The following STRADB variants were observed in gnomAD, a reference collection of about 807,000 sequenced individuals.
The protein encoded by STRADB is STE20-related kinase adapter protein beta.
STRADB carries 34 observed loss-of-function variants against 52.1 expected under a neutral mutation model. The ratio of observed to expected loss-of-function variants is 0.65; its 90% CI spans 0.50 to 0.87. The LOEUF (loss-of-function observed/expected upper bound fraction) is 0.87, where lower values mean the gene tolerates loss of function less well. STRADB is among the 40% of genes least tolerant of loss of function. The probability of loss-of-function intolerance (pLI) is 0.00; values close to 1 mark genes in which losing one functional copy is unlikely to be tolerated. For missense variants in STRADB, 340 were observed against 483.9 expected (o/e 0.70, Z 2.79); for synonymous variants, 133 against 174.5 (o/e 0.76, Z 1.87).
intron 2 of STRADB, among the ~76,000 whole-genome samples, chr2:201,455,388 G>A (rs1952112575): frequency 6.6e-6 from 1 of 151,552 alleles, no homozygotes; most frequent in Non-Finnish European, 1.5e-5. Context: ...ATTTGAATAG[G>A]GAATACTTAT....
At chr2:201,467,405 A>G (rs1357452524) in intron 3 of STRADB, among the ~76,000 whole-genome samples, 1 of 152,204 alleles carries the variant, frequency 6.6e-6, no homozygotes, top group East Asian at 1.9e-4. Flanking sequence ...ACTACTGTCA[A>G]TGGTGGTCGT....
chr2:201,456,006 C>T (rs1440390846), intron 2 of STRADB, among the ~76,000 whole-genome samples: 1 of 152,166 alleles, frequency 6.6e-6, no homozygotes, highest in Non-Finnish European at 1.5e-5. Context: ...GAAAGAGAAG[C>T]TTTATATATC....
At chr2:201,457,441 A>G (rs149996480) in intron 2 of STRADB, 9 of 152,312 alleles carry the variant, frequency 5.9e-5, no homozygotes, top group Admixed American at 4.6e-4. Context: ...GTTAGCGTCT[A>G]TTCTTCAGGG....
chr2:201,473,179 A>G (rs1312105499), intron 5 of STRADB, 103 bp downstream of exon 5: 3 of 1,004,886 alleles, frequency 3.0e-6, no homozygotes, highest in Non-Finnish European at 4.0e-6. Context: ...ATTTTAAAAT[A>G]AATAATACAA....
intron 10 of STRADB, 69 bp downstream of exon 10, chr2:201,478,670 T>G: frequency 6.6e-7 from 1 of 1,517,584 alleles, no homozygotes; most frequent in Middle Eastern, 1.8e-4. Context: ...TTTGTAACAT[T>G]GCCCTTCCAG....
Position 201,475,666 on chromosome 2 carries a change from G to A in STRADB, c.472G>A (p.Glu158Lys). ...LRTYFPEGMSETLIRNILFGA... is the reference protein window; with the variant it reads ...LRTYFPEGMSKTLIRNILFGA... ...GACCTATTTTCCTGAAGGAATGAGT[G>A]AAACTTTAATAAGAAACATTCTCTT... The change falls in exon 7 of 12, where the codon GAA becomes AAA. Residue 158 changes from glutamate to lysine, a missense_variant. By Grantham distance (56) the Glu-to-Lys change is moderately conservative. Transcript: ENST00000194530. 2 of 1,612,048 alleles carry A rather than the reference G, an allele frequency of 1.2e-6. No homozygotes were observed. The highest frequency in any genetic ancestry group is 1.7e-6 in the Non-Finnish European group (2 of 1,179,874).
At chr2:201,479,955 T>G in intron 11 of STRADB, 77 bp from the exon 12 acceptor site, 2 of 1,551,746 alleles carry the variant, frequency 1.3e-6, no homozygotes, top group Non-Finnish European at 1.8e-6. Flanking sequence ...ATAAATTCTT[T>G]AAAAGTTATT....
chr2:201,453,276 G>T (rs1227311723), intron 1 of STRADB, among the ~76,000 whole-genome samples: 1 of 152,216 alleles, frequency 6.6e-6, no homozygotes, highest in Non-Finnish European at 1.5e-5. Context: ...GACAAAATCA[G>T]TAACAACTTG....
At chr2:201,458,037 AAG>A (rs1314567726) in intron 2 of STRADB, among the ~76,000 whole-genome samples, 2 of 152,210 alleles carry the variant, frequency 1.3e-5, no homozygotes, top group Non-Finnish European at 2.9e-5. Flanking sequence ...AAAAAAAAGA[AAG>A]AAATTTTTTC....
Position 201,474,729 on chromosome 2 carries a change from G to C in STRADB, c.398G>C (p.Trp133Ser). The C allele has an allele frequency of 1.2e-6, 2 of 1,611,092 alleles. No homozygotes were observed. The highest frequency in any genetic ancestry group is 1.7e-6 in the Non-Finnish European group (2 of 1,179,008). Reference sequence around the variant, plus strand: ...GTTTTCACTGTTGGCAGCTGGCTTTGGGTTATTTCTCCATTTATGGCCTAT... The same window carrying C: ...GTTTTCACTGTTGGCAGCTGGCTTTCGGTTATTTCTCCATTTATGGCCTAT... ...WTVFTVGSWL[W>S]VISPFMAYGS... The change falls in exon 6 of 12, where the codon TGG becomes TCG. Residue 133 changes from tryptophan (W) to serine (S), a missense_variant. Transcript: ENST00000194530.
rs148904678 is a variant in STRADB at position 201,458,613 on chromosome 2, T to C, written c.13-171T>C. On this transcript the variant is annotated intron_variant, in intron 2 of 11. Coordinates refer to ENST00000194530, the MANE Select transcript of STRADB (RefSeq NM_018571.6). ...CATGCCCAGCCACTTCTCCCTTCTC[T>C]CCCATGCTGAGTTCCTCATGATGTG... 2.2e-3 allele frequency among the ~76,000 whole-genome samples: 336 copies of C among 152,304 alleles called. 2 individuals carry two copies. The highest frequency in any genetic ancestry group is 7.4e-3 in the African/African-American group (307 of 41,562).
chr2:201,466,198 G>A (rs1474897935), intron 3 of STRADB, among the ~76,000 whole-genome samples: 1 of 152,118 alleles, frequency 6.6e-6, no homozygotes, highest in Non-Finnish European at 1.5e-5. Flanking sequence ...TTCCCTTTGG[G>A]TGAGGCAGAA....
chr2:201,480,439 A>ACTC lies in STRADB; in HGVS notation c.*265_*267dup, dbSNP rs2125685564. On this transcript the variant is annotated 3_prime_UTR_variant, in exon 12 of 12. Coordinates refer to ENST00000194530, the MANE Select transcript of STRADB (RefSeq NM_018571.6). ...GGAATTTTTTTCTAAGCTGTGACTA[A>ACTC]CTCTTTTTATCTCTCAATATAATTT... 1 of 1,191,078 alleles carries ACTC rather than the reference A, an allele frequency of 8.4e-7. No individual in the cohort carries two copies. Among genetic ancestry groups the ACTC allele is most frequent in the Non-Finnish European group, 1.0e-6 (1 of 960,048 alleles). The allele number at this position is 1,191,078 out of a possible 1,614,324, so 73.8% of individuals were successfully genotyped here. A position where few individuals can be genotyped will look rare whatever the true frequency, so the allele number is the denominator to read the frequency against.
At chr2:201,466,313 T>G (rs1412229564) in intron 3 of STRADB, among the ~76,000 whole-genome samples, 2 of 152,224 alleles carry the variant, frequency 1.3e-5, no homozygotes, top group Non-Finnish European at 2.9e-5. Flanking sequence ...GGTTGGAGCC[T>G]TTTTATAATT....
intron 3 of STRADB, 26 bp downstream of exon 3, chr2:201,458,890 A>G: frequency 6.3e-7 from 1 of 1,594,858 alleles, no homozygotes; most frequent in Non-Finnish European, 8.6e-7. Context: ...GGCTGGATGC[A>G]GTGGTTCACA....
rs1952384706 is a variant in STRADB, at chr2:201,471,342, G to C, written c.193+1290G>C. 2.6e-5 allele frequency among the ~76,000 whole-genome samples: 4 copies of C among 152,162 alleles called. No homozygotes were observed. The South Asian group carries it at 8.3e-4, about 31-fold the overall frequency. On this transcript the variant is annotated intron_variant, in intron 4 of 11. Coordinates refer to ENST00000194530, the MANE Select transcript of STRADB (RefSeq NM_018571.6). ...ATCTGGAAAGGCAGGTTTGGAACACGTTGTGAAGGACTTCATGTGGTTGGA... is the reference window on the plus strand; with the variant it reads ...ATCTGGAAAGGCAGGTTTGGAACACCTTGTGAAGGACTTCATGTGGTTGGA...
intron 1 of STRADB, among the ~76,000 whole-genome samples, chr2:201,454,168 C>T (rs1278232311): frequency 6.6e-6 from 1 of 152,132 alleles, no homozygotes; most frequent in Non-Finnish European, 1.5e-5. Context: ...GTCTGGAAAC[C>T]GTGGATGGTG....
chr2:201,473,125 G>A, intron 5 of STRADB, 49 bp downstream of exon 5: 1 of 1,537,280 alleles, frequency 6.5e-7, no homozygotes, highest in Non-Finnish European at 8.7e-7. Flanking sequence ...GTATCCACTG[G>A]TTCCACATCT....
chr2:201,479,558 C>T (rs759740219), intron 11 of STRADB, 27 bp downstream of exon 11: 20 of 1,580,038 alleles, frequency 1.3e-5, no homozygotes, highest in African/African-American at 2.7e-5. Flanking sequence ...TCCGTTGTCT[C>T]GATGTTTTTA....
Sources: allele counts gnomAD v4.1 joint callset (sites outside exome capture counted in the v4.1 genomes callset), GRCh38; gene constraint gnomAD v4.1.1; transcripts MANE v1.5; gene names NCBI Gene and HGNC (gene_info 2026-07-23, HGNC 2026-07-21).